The following TANGO6 variants were observed in gnomAD, a reference collection of about 807,000 sequenced individuals.
TANGO6 encodes transport and Golgi organization protein 6 homolog.
TANGO6 carries 90 observed loss-of-function variants against 114.2 expected under a neutral mutation model. That is an observed-to-expected ratio of 0.79 (90% CI 0.66 to 0.94). TANGO6 has a LOEUF of 0.94. Among genes scored for constraint, TANGO6 ranks in the 40% least tolerant of loss-of-function variants. TANGO6 has a pLI of 0.00. For missense variants in TANGO6, 1,274 were observed against 1,315.3 expected (o/e 0.97, Z 0.49); for synonymous variants, 477 against 509.8 (o/e 0.94, Z 0.87).
At position 69,039,567 on chromosome 16, in the gene TANGO6, T is replaced by C. The variant is rs968714215; in HGVS notation, c.2995-741T>C. 2.7e-5 allele frequency among the ~76,000 whole-genome samples: 4 copies of C among 145,596 alleles called. No homozygotes were observed. In the East Asian group the frequency reaches 6.4e-4, roughly 23 times the overall value. ...GGGAGGGTCACTTGTGCCCAGGAGG[T>C]CAAGGCTGCAGTGAGCCCTGATTGC... On this transcript the variant is annotated intron_variant, in intron 16 of 17. Coordinates refer to ENST00000261778, the MANE Select transcript of TANGO6 (RefSeq NM_024562.2).
chr16:68,927,781 C>T lies in TANGO6; in HGVS notation c.2341C>T (p.Gln781Ter), dbSNP rs780056462. The change falls in exon 13 of 18, where the codon CAA becomes TAA. Residue 781 changes from glutamine (Q) to a stop codon, truncating the protein, a stop_gained. Coordinates refer to ENST00000261778, the MANE Select transcript of TANGO6 (RefSeq NM_024562.2). LOFTEE classifies it high-confidence loss of function. ...GGAAGGGAAAATAGAAGAGCAGCAA[C>T]AAACCAGTCATGAAAGACCCACTGA... Reference protein sequence around the residue: ...DLEGKIEEQQQTSHERPTDVA... With the variant: ...DLEGKIEEQQ 1.6e-5 allele frequency: 26 copies of T among 1,613,876 alleles called. No individual in the cohort carries two copies. Among genetic ancestry groups the T allele is most frequent in the Non-Finnish European group, 2.2e-5 (26 of 1,179,902 alleles).
intron 7 of TANGO6, among the ~76,000 whole-genome samples, chr16:68,891,472 AAAAG>A (rs150126048): frequency 0.022 from 3,314 of 152,224 alleles, 87 homozygotes; most frequent in African/African-American, 0.061. Context: ...GAATTCAAAA[AAAAG>A]AAAGAAAGAA....
chr16:68,982,984 C>T (rs1031660864), intron 15 of TANGO6, among the ~76,000 whole-genome samples: 4 of 151,688 alleles, frequency 2.6e-5, no homozygotes, highest in African/African-American at 9.7e-5. Context: ...TCCTGAATCA[C>T]TTCAGGAAGC....
At chr16:68,882,369 C>T (rs1319696503) in intron 7 of TANGO6, among the ~76,000 whole-genome samples, 40 of 151,894 alleles carry the variant, frequency 2.6e-4, no homozygotes, top group Non-Finnish European at 3.7e-4. Flanking sequence ...TGGTGGCAGG[C>T]ACCTGTAGTC....
chr16:68,924,466 A>G (rs1339817681), intron 12 of TANGO6, among the ~76,000 whole-genome samples: 4 of 145,924 alleles, frequency 2.7e-5, no homozygotes, highest in South Asian at 4.4e-4. Flanking sequence ...CAGCCTGGGC[A>G]ACAAGAGTGA....
chr16:69,027,651 G>T (rs924230106), intron 16 of TANGO6, among the ~76,000 whole-genome samples: 15 of 151,986 alleles, frequency 9.9e-5, no homozygotes, highest in African/African-American at 3.6e-4. Flanking sequence ...AACTTTTCTG[G>T]GTCAGATACT....
chr16:69,063,998 G>C (rs940460310), intron 17 of TANGO6, among the ~76,000 whole-genome samples: 1 of 151,912 alleles, frequency 6.6e-6, no homozygotes, highest in Non-Finnish European at 1.5e-5. Context: ...CACCACGCGT[G>C]GCTAATTTTT....
chr16:68,868,979 A>G (rs1202995405), intron 4 of TANGO6, among the ~76,000 whole-genome samples: 1 of 152,226 alleles, frequency 6.6e-6, no homozygotes, highest in African/African-American at 2.4e-5. Flanking sequence ...GGTTAGATCA[A>G]TATTCAGTGT....
intron 15 of TANGO6, among the ~76,000 whole-genome samples, chr16:68,981,422 G>C (rs372721560): frequency 6.6e-6 from 1 of 151,944 alleles, no homozygotes; most frequent in African/African-American, 2.4e-5. Flanking sequence ...TGTTGGCTAG[G>C]CTGGTCTCGA....
rs570352464 is a variant in TANGO6 at position 68,877,587 on chromosome 16, T to G, written c.1132-531T>G. 6.1e-4 allele frequency among the ~76,000 whole-genome samples: 93 copies of G among 151,996 alleles called. No homozygotes were observed. In the Middle Eastern group the frequency reaches 0.01, roughly 17 times the overall value. ...TGATAAAATTATTTAATAAAAACAC[T>G]GCAAGTATGAGAGGTGGGCAAAAAA... On this transcript the variant is annotated intron_variant, in intron 5 of 17. Transcript: ENST00000261778.
At chr16:68,871,397 G>GT (rs918698264) in intron 4 of TANGO6, among the ~76,000 whole-genome samples, 34 of 151,348 alleles carry the variant, frequency 2.2e-4, no homozygotes, top group Non-Finnish European at 2.7e-4. Context: ...TTTCTTTATG[G>GT]TTTTTTTTCT....
At position 68,860,209 on chromosome 16, in the gene TANGO6, A is replaced by G; in HGVS notation, c.420A>G (p.Ser140=). 6.2e-7 allele frequency: 1 copy of G among 1,612,870 alleles called. No homozygotes were observed. Among genetic ancestry groups the G allele is most frequent in the Non-Finnish European group, 8.5e-7 (1 of 1,178,894 alleles). The part of the protein sequence containing the change: ...PALSPDALSI[S]QQKTVQFVLQ... ...TGAGCCCCGATGCACTTAGTATCTC[A>G]CAACAGAAGACTGTCCAGTTCGTTT... The change falls in exon 2 of 18, where the codon TCA becomes TCG. Residue 140 remains serine, a synonymous_variant. Transcript: ENST00000261778.
At chr16:68,874,130 T>G (rs915157187) in intron 4 of TANGO6, among the ~76,000 whole-genome samples, 1 of 152,206 alleles carries the variant, frequency 6.6e-6, no homozygotes, top group Non-Finnish European at 1.5e-5. Context: ...TGTATCATAC[T>G]CTACCAAAGA....
chr16:69,077,601 G>A (rs893262233), intron 17 of TANGO6, among the ~76,000 whole-genome samples: 5 of 152,242 alleles, frequency 3.3e-5, no homozygotes, highest in Admixed American at 3.3e-4. Flanking sequence ...GGCTGAGATG[G>A]GTGGATCACT....
chr16:68,875,787 A>T (rs1420534644), intron 5 of TANGO6, among the ~76,000 whole-genome samples: 1 of 151,146 alleles, frequency 6.6e-6, no homozygotes, highest in Non-Finnish European at 1.5e-5. Flanking sequence ...AAAAAAAAGA[A>T]TGCCTCACCA....
intron 7 of TANGO6, among the ~76,000 whole-genome samples, chr16:68,881,622 G>A (rs960677356): frequency 6.6e-6 from 1 of 152,154 alleles, no homozygotes; most frequent in African/African-American, 2.4e-5. Flanking sequence ...AGTAATTACT[G>A]TCATAACAAA....
intron 15 of TANGO6, among the ~76,000 whole-genome samples, chr16:68,979,962 G>A (rs568706054): frequency 6.6e-6 from 1 of 151,218 alleles, no homozygotes; most frequent in Non-Finnish European, 1.5e-5. Context: ...CTCTGCCTCA[G>A]CCTCCTGAGT....
chr16:69,029,455 G>A (rs926752545), intron 16 of TANGO6, among the ~76,000 whole-genome samples: 15 of 152,024 alleles, frequency 9.9e-5, no homozygotes, highest in Non-Finnish European at 1.6e-4. Flanking sequence ...GCAGTATTCC[G>A]GACACCTAAG....
intron 15 of TANGO6, among the ~76,000 whole-genome samples, chr16:69,020,646 T>A (rs1959385109): frequency 6.6e-6 from 1 of 152,134 alleles, no homozygotes; most frequent in African/African-American, 2.4e-5. Context: ...ATGCTTGTAA[T>A]CCTAACACTT....
Sources: allele counts gnomAD v4.1 joint callset (sites outside exome capture counted in the v4.1 genomes callset), GRCh38; gene constraint gnomAD v4.1.1; transcripts MANE v1.5; gene names NCBI Gene and HGNC (gene_info 2026-07-23, HGNC 2026-07-21).